Variants in JAKMIP2 observed in about 807,000 individuals in gnomAD.
JAKMIP2 encodes janus kinase and microtubule-interacting protein 2.
Under a neutral mutation model 115.0 loss-of-function variants are expected in JAKMIP2, and 25 were observed. The observed-to-expected ratio is 0.22, with a 90% CI of 0.16 to 0.30. The LOEUF is 0.30. Among genes scored for constraint, JAKMIP2 ranks in the 10% least tolerant of loss-of-function variants. JAKMIP2 has a pLI of 1.00. For synonymous variants in JAKMIP2, 334 were observed against 343.6 expected, an observed-to-expected ratio of 0.97 and a Z score of 0.31; for missense variants, 642 against 957.6, an observed-to-expected ratio of 0.67 and a Z score of 4.35.
At chr5:147,605,186 T>C (rs1238176639) in intron 20 of JAKMIP2, among the ~76,000 whole-genome samples, 2 of 149,964 alleles carry the variant, frequency 1.3e-5, no homozygotes, top group Non-Finnish European at 2.9e-5. Flanking sequence ...TAGTATTCCA[T>C]GGTGTATATG....
chr5:147,665,677 T>C (rs535341653), intron 2 of JAKMIP2, among the ~76,000 whole-genome samples: 26 of 152,332 alleles, frequency 1.7e-4, no homozygotes, highest in Admixed American at 4.6e-4. Flanking sequence ...GATTTTTGAT[T>C]ACACTTAAAA....
At chr5:147,724,967 T>C (rs926230310) in intron 1 of JAKMIP2, among the ~76,000 whole-genome samples, 1 of 151,374 alleles carries the variant, frequency 6.6e-6, no homozygotes, top group African/African-American at 2.4e-5. Context: ...TAATAACAGA[T>C]GAAATAGGAG....
At chr5:147,695,650 C>CTGTGTGTGTGTGTG (rs572202242) in intron 1 of JAKMIP2, among the ~76,000 whole-genome samples, 59 of 143,006 alleles carry the variant, frequency 4.1e-4, no homozygotes, top group African/African-American at 1.5e-3. Flanking sequence ...AGTGAAAGGT[C>CTGTGTGTGTGTGTG]TGTGTGTGTG....
chr5:147,608,970 G>T (rs556418658), intron 20 of JAKMIP2, among the ~76,000 whole-genome samples: 5 of 145,962 alleles, frequency 3.4e-5, no homozygotes, highest in African/African-American at 1.3e-4. Context: ...GTTTAAAGTC[G>T]GTTTTATCAG....
chr5:147,746,791 A>G (rs1754361566), intron 1 of JAKMIP2, among the ~76,000 whole-genome samples: 2 of 152,204 alleles, frequency 1.3e-5, no homozygotes, highest in Non-Finnish European at 2.9e-5. Context: ...CATTACTACT[A>G]TTCACATATT....
chr5:147,657,271 C>T (rs1581365923), intron 3 of JAKMIP2, among the ~76,000 whole-genome samples: 1 of 148,126 alleles, frequency 6.8e-6, no homozygotes, highest in East Asian at 2.0e-4. Context: ...CAGAGCGAGA[C>T]TCCGTCTCAA....
intron 16 of JAKMIP2, among the ~76,000 whole-genome samples, chr5:147,623,992 G>A (rs932972889): frequency 3.2e-4 from 48 of 151,868 alleles, no homozygotes; most frequent in Non-Finnish European, 5.1e-4. Flanking sequence ...CTGCCACCAC[G>A]CCTGGCTAAT....
Position 147,620,718 on chromosome 5 carries a change from T to C in JAKMIP2, c.2090A>G (p.Tyr697Cys), listed in dbSNP as rs765756896. Residue 697 changes from tyrosine (Y) to cysteine (C), a missense_variant, in exon 18 of 22, where the codon TAT becomes TGT. By Grantham distance (194) the Tyr-to-Cys change is radical. Coordinates refer to ENST00000616793, the MANE Select transcript of JAKMIP2 (RefSeq NM_001270941.2). ...TCTGTAGTCTAGTTCTTCCTCCAGA[T>C]AGCCTTTTATTTTGCAGAACTGTTC... is the stretch of plus-strand genomic sequence containing the variant. ...DMEQFCKIKG[Y>C]LEEELDYRKQ... 1.2e-6 allele frequency: 2 copies of C among 1,613,670 alleles called. No homozygotes were observed. Among genetic ancestry groups the C allele is most frequent in the Non-Finnish European group, 1.7e-6 (2 of 1,179,724 alleles).
chr5:147,684,131 G>A (rs1580777444), intron 1 of JAKMIP2, among the ~76,000 whole-genome samples: 1 of 152,206 alleles, frequency 6.6e-6, no homozygotes, highest in Non-Finnish European at 1.5e-5. Context: ...ACTAATGGAA[G>A]GTAGTCAACG....
intron 17 of JAKMIP2, among the ~76,000 whole-genome samples, chr5:147,621,112 T>C (rs1353964772): frequency 6.6e-6 from 1 of 152,164 alleles, no homozygotes; most frequent in African/African-American, 2.4e-5. Flanking sequence ...CATAGCTGGG[T>C]TGCATAATCA....
At chr5:147,607,218 G>A (rs1400984562) in intron 20 of JAKMIP2, among the ~76,000 whole-genome samples, 2 of 152,162 alleles carry the variant, frequency 1.3e-5, no homozygotes, top group African/African-American at 2.4e-5. Context: ...ATGTTGAATA[G>A]GAGTGGTAAG....
At chr5:147,749,610 A>G (rs1273060345) in intron 1 of JAKMIP2, among the ~76,000 whole-genome samples, 1 of 152,234 alleles carries the variant, frequency 6.6e-6, no homozygotes, top group Non-Finnish European at 1.5e-5. Flanking sequence ...GAAGAGTAGG[A>G]CCCTGCCCTA....
At chr5:147,608,445 C>T (rs1372925145) in intron 20 of JAKMIP2, among the ~76,000 whole-genome samples, 1 of 152,198 alleles carries the variant, frequency 6.6e-6, no homozygotes, top group Non-Finnish European at 1.5e-5. Flanking sequence ...ATTAGTCATT[C>T]AGGAACAGAT....
At chr5:147,712,135 A>T (rs1752806115) in intron 1 of JAKMIP2, among the ~76,000 whole-genome samples, 1 of 152,114 alleles carries the variant, frequency 6.6e-6, no homozygotes, top group Admixed American at 6.5e-5. Flanking sequence ...CAAATATCCC[A>T]CATTCTCACC....
intron 1 of JAKMIP2, among the ~76,000 whole-genome samples, chr5:147,711,617 G>A (rs1211272071): frequency 6.6e-6 from 1 of 152,126 alleles, no homozygotes; most frequent in African/African-American, 2.4e-5. Flanking sequence ...GGTCTTTGAG[G>A]AGATTAAATG....
chr5:147,738,572 G>A (rs964253601), intron 1 of JAKMIP2, among the ~76,000 whole-genome samples: 1 of 152,052 alleles, frequency 6.6e-6, no homozygotes, highest in African/African-American at 2.4e-5. Context: ...CATATAACAA[G>A]ACTGCAATTG....
intron 14 of JAKMIP2, among the ~76,000 whole-genome samples, chr5:147,630,332 A>G (rs575764936): frequency 4.8e-4 from 73 of 152,120 alleles, no homozygotes; most frequent in Non-Finnish European, 8.7e-4. Flanking sequence ...TCCATTCGAA[A>G]GAGTTCATTG....
chr5:147,701,343 A>T (rs1445460888), intron 1 of JAKMIP2, among the ~76,000 whole-genome samples: 1 of 152,198 alleles, frequency 6.6e-6, no homozygotes, highest in Non-Finnish European at 1.5e-5. Context: ...TAGTGCAAGT[A>T]AGATGAAAAG....
At chr5:147,621,114 G>C (rs998703209) in intron 17 of JAKMIP2, among the ~76,000 whole-genome samples, 1 of 152,170 alleles carries the variant, frequency 6.6e-6, no homozygotes, top group Admixed American at 6.5e-5. Flanking sequence ...TAGCTGGGTT[G>C]CATAATCAAC....
Sources: gnomAD v4.1 joint callset for allele counts (sites outside exome capture counted in the v4.1 genomes callset) on GRCh38, gnomAD v4.1.1 for gene constraint, MANE v1.5 for transcripts, NCBI Gene and HGNC (gene_info 2026-07-23, HGNC 2026-07-21) for gene names.